AXDND1: variants seen among roughly 807,000 people sequenced by gnomAD.
The protein encoded by AXDND1 is axonemal dynein light chain domain containing 1.
Under a neutral mutation model 137.5 loss-of-function variants are expected in AXDND1, and 110 were observed. The ratio of observed to expected loss-of-function variants is 0.80; its 90% confidence interval spans 0.69 to 0.94. The LOEUF (loss-of-function observed/expected upper bound fraction) is 0.94, where lower values mean the gene tolerates loss of function less well. Among genes scored for constraint, AXDND1 ranks in the 40% least tolerant of loss-of-function variants. The pLI, the probability that AXDND1 is intolerant of heterozygous loss-of-function variation, is 0.00. For synonymous variants in AXDND1, 414 were observed against 399.7 expected, an observed-to-expected ratio of 1.04 and a Z score of -0.43; for missense variants, 1,191 against 1,169.8, an observed-to-expected ratio of 1.02 and a Z score of -0.26.
At chr1:179,419,537 AG>A (rs1336430179) in intron 12 of AXDND1, among the ~76,000 whole-genome samples, 1 of 148,932 alleles carries the variant, frequency 6.7e-6, no homozygotes, top group Non-Finnish European at 1.5e-5. Flanking sequence ...TCAGGCAGGG[AG>A]GTTGCAGTGA....
At chr1:179,553,175 A>G (rs1480815346) in intron 25 of AXDND1, among the ~76,000 whole-genome samples, 1 of 152,254 alleles carries the variant, frequency 6.6e-6, no homozygotes, top group East Asian at 1.9e-4. Context: ...AACTATAAAA[A>G]TGCATATATG....
At chr1:179,455,233 C>T (rs1347119306) in intron 16 of AXDND1, 1 of 147,748 alleles carries the variant, frequency 6.8e-6, no homozygotes, top group Admixed American at 6.7e-5. Context: ...AGAGATTGCA[C>T]CCTTGCACCC....
intron 16 of AXDND1, chr1:179,449,988 A>ATTTTTTTT (rs58716807): frequency 1.5e-5 from 1 of 65,370 alleles, no homozygotes; most frequent in African/African-American, 6.2e-5. Context: ...GCCAATCTGG[A>ATTTTTTTT]TTTTTTTTTT....
At chr1:179,407,522 G>T (rs1329752315) in intron 11 of AXDND1, among the ~76,000 whole-genome samples, 1 of 152,084 alleles carries the variant, frequency 6.6e-6, no homozygotes, top group African/African-American at 2.4e-5. Context: ...ACTGTGCCTG[G>T]CCTCTTTTTT....
chr1:179,406,457 T>G (rs539035735), intron 11 of AXDND1, among the ~76,000 whole-genome samples: 4 of 152,316 alleles, frequency 2.6e-5, no homozygotes, highest in African/African-American at 9.6e-5. Flanking sequence ...TGTAGGGTTT[T>G]GAAGGCCCCA....
chr1:179,474,956 T>C (rs1263905238), intron 17 of AXDND1, among the ~76,000 whole-genome samples: 1 of 152,210 alleles, frequency 6.6e-6, no homozygotes, highest in Non-Finnish European at 1.5e-5. Flanking sequence ...CCTTGGGACA[T>C]GGCGTCCTGT....
chr1:179,494,212 A>G (rs1667220312), intron 20 of AXDND1, among the ~76,000 whole-genome samples: 1 of 152,146 alleles, frequency 6.6e-6, no homozygotes. Flanking sequence ...TCAGCCTCCC[A>G]AAGTGCTGGG....
intron 16 of AXDND1, among the ~76,000 whole-genome samples, chr1:179,462,682 GTAAGCTA>G (rs1364543770): frequency 6.6e-6 from 1 of 151,136 alleles, no homozygotes; most frequent in Non-Finnish European, 1.5e-5. Flanking sequence ...GTCCTGGTTG[GTAAGCTA>G]TTAATTATTG....
intron 12 of AXDND1, among the ~76,000 whole-genome samples, chr1:179,414,562 A>G (rs1156435051): frequency 1.3e-5 from 2 of 152,046 alleles, no homozygotes; most frequent in Non-Finnish European, 2.9e-5. Flanking sequence ...TGTAGCTGGG[A>G]CTACAGGCGC....
At chr1:179,533,970 C>T (rs141523350) in intron 24 of AXDND1, 93 bp downstream of exon 24, 3 of 1,027,950 alleles carry the variant, frequency 2.9e-6, no homozygotes, top group Non-Finnish European at 4.5e-6. Context: ...CCCTTTGGCT[C>T]TCCTGCTTTC....
intron 3 of AXDND1, among the ~76,000 whole-genome samples, chr1:179,369,672 A>G (rs530522803): frequency 1.2e-4 from 18 of 152,232 alleles, no homozygotes; most frequent in Admixed American, 8.5e-4. Context: ...AATTTAAAAT[A>G]ATTTCTTAGA....
At chr1:179,519,739 T>C (rs1215783055) in intron 21 of AXDND1, among the ~76,000 whole-genome samples, 2 of 152,166 alleles carry the variant, frequency 1.3e-5, no homozygotes, top group Admixed American at 1.3e-4. Flanking sequence ...TTTTGTTCCA[T>C]TGGTGTATGT....
At chr1:179,547,924 G>A (rs1358418478) in intron 25 of AXDND1, among the ~76,000 whole-genome samples, 2 of 152,124 alleles carry the variant, frequency 1.3e-5, no homozygotes, top group Non-Finnish European at 2.9e-5. Context: ...GAAAGAAAGG[G>A]GGATTGTCTG....
At chr1:179,466,925 T>C (rs1024151883) in intron 16 of AXDND1, among the ~76,000 whole-genome samples, 1 of 152,190 alleles carries the variant, frequency 6.6e-6, no homozygotes, top group African/African-American at 2.4e-5. Flanking sequence ...TTCTGAGGGC[T>C]GTTCTATTTC....
intron 12 of AXDND1, among the ~76,000 whole-genome samples, chr1:179,418,214 G>T (rs982256292): frequency 3.3e-5 from 5 of 152,030 alleles, no homozygotes; most frequent in African/African-American, 1.2e-4. Context: ...CTGCCTTCAA[G>T]CATCTGTTTA....
intron 20 of AXDND1, among the ~76,000 whole-genome samples, chr1:179,506,492 G>A (rs534968738): frequency 6.6e-6 from 1 of 152,146 alleles, no homozygotes; most frequent in East Asian, 1.9e-4. Flanking sequence ...CAGACTTTGC[G>A]AGGCTGAGGC....
At chr1:179,417,911 A>G (rs899445044) in intron 12 of AXDND1, among the ~76,000 whole-genome samples, 7 of 150,908 alleles carry the variant, frequency 4.6e-5, no homozygotes, top group African/African-American at 1.5e-4. Context: ...CCTTGTATAG[A>G]TCTTTTACTT....
intron 12 of AXDND1, among the ~76,000 whole-genome samples, chr1:179,420,532 T>G (rs1199352215): frequency 6.6e-6 from 1 of 152,212 alleles, no homozygotes; most frequent in Non-Finnish European, 1.5e-5. Flanking sequence ...TTCAAATACT[T>G]GGTAGAATTC....
chr1:179,433,576 T>C (rs1371305755), intron 15 of AXDND1, among the ~76,000 whole-genome samples: 2 of 152,214 alleles, frequency 1.3e-5, no homozygotes, highest in Non-Finnish European at 2.9e-5. Flanking sequence ...TTTGTTCTCA[T>C]TGGTTTCAAA....
Sources: gnomAD v4.1 joint callset for allele counts (sites outside exome capture counted in the v4.1 genomes callset) on GRCh38, gnomAD v4.1.1 for gene constraint, MANE v1.5 for transcripts, NCBI Gene and HGNC (gene_info 2026-07-23, HGNC 2026-07-21) for gene names.